The following WWOX variants were observed in gnomAD, a reference collection of about 807,000 sequenced individuals.
The protein encoded by WWOX is WW domain-containing oxidoreductase.
A neutral mutation model predicts 46.2 loss-of-function variants in WWOX; 69 were observed. That is an observed-to-expected ratio of 1.49 (90% CI 1.23 to 1.82). The LOEUF is 1.82. Among genes scored for constraint, WWOX ranks in the 40% most tolerant of loss-of-function variants. The probability of loss-of-function intolerance (pLI) is 0.00; values close to 1 mark genes in which losing one functional copy is unlikely to be tolerated. For missense variants in WWOX, 919 were observed against 542.6 expected, an observed-to-expected ratio of 1.69 and a Z score of -6.89; for synonymous variants, 359 against 202.6, an observed-to-expected ratio of 1.77 and a Z score of -6.56.
At chr16:78,787,063 G>C (rs1416746794) in intron 8 of WWOX, among the ~76,000 whole-genome samples, 1 of 152,116 alleles carries the variant, frequency 6.6e-6, no homozygotes, top group African/African-American at 2.4e-5. Context: ...CAGGAGAATC[G>C]CTTGAACCTG....
chr16:78,229,268 A>C (rs1183228069), intron 5 of WWOX, among the ~76,000 whole-genome samples: 8 of 151,002 alleles, frequency 5.3e-5, no homozygotes, highest in South Asian at 2.1e-4. Context: ...GAAAAAAAAA[A>C]CAGGAATAAA....
At chr16:78,822,676 T>G (rs1372034593) in intron 8 of WWOX, among the ~76,000 whole-genome samples, 1 of 152,206 alleles carries the variant, frequency 6.6e-6, no homozygotes, top group African/African-American at 2.4e-5. Flanking sequence ...TGATGAGAGT[T>G]ACATTGCTGG....
chr16:79,039,840 C>G (rs1202903006), intron 8 of WWOX, among the ~76,000 whole-genome samples: 2 of 152,208 alleles, frequency 1.3e-5, no homozygotes, highest in South Asian at 2.1e-4. Flanking sequence ...CATCATCTGA[C>G]TCATCTCTAC....
chr16:78,664,044 C>T (rs1220191400), intron 8 of WWOX, among the ~76,000 whole-genome samples: 2 of 152,146 alleles, frequency 1.3e-5, no homozygotes, highest in African/African-American at 4.8e-5. Context: ...TAATTTGAAT[C>T]ATGGTTTTAA....
intron 8 of WWOX, among the ~76,000 whole-genome samples, chr16:78,627,934 G>A (rs1270405085): frequency 6.6e-6 from 1 of 152,248 alleles, no homozygotes; most frequent in Non-Finnish European, 1.5e-5. Flanking sequence ...CTTGTTTTCT[G>A]CCTTGAGTGT....
chr16:78,547,149 A>AAAAAAAAC (rs2044057994), intron 8 of WWOX, among the ~76,000 whole-genome samples: 1 of 105,010 alleles, frequency 9.5e-6, no homozygotes, highest in Non-Finnish European at 2.3e-5. Context: ...AAAAAAAAAA[A>AAAAAAAAC]AAAAAAAAAA....
At chr16:79,052,460 C>G (rs1362062704) in intron 8 of WWOX, among the ~76,000 whole-genome samples, 1 of 152,216 alleles carries the variant, frequency 6.6e-6, no homozygotes, top group Non-Finnish European at 1.5e-5. Flanking sequence ...ATAAATCTTT[C>G]TGCTATAAAG....
At chr16:78,875,501 G>T (rs949616152) in intron 8 of WWOX, among the ~76,000 whole-genome samples, 1 of 152,196 alleles carries the variant, frequency 6.6e-6, no homozygotes, top group East Asian at 1.9e-4. Flanking sequence ...GTGGAGGACA[G>T]TGTTTTGATT....
intron 8 of WWOX, among the ~76,000 whole-genome samples, chr16:78,616,810 T>G (rs2046036514): frequency 2.6e-5 from 4 of 152,066 alleles, no homozygotes; most frequent in Admixed American, 2.0e-4. Flanking sequence ...CTAACCCTAC[T>G]CAGGAAGCCT....
At chr16:78,216,556 G>A (rs980555582) in intron 5 of WWOX, among the ~76,000 whole-genome samples, 1 of 151,892 alleles carries the variant, frequency 6.6e-6, no homozygotes, top group Non-Finnish European at 1.5e-5. Context: ...GCTAGAGGCT[G>A]ACACATTCCT....
At chr16:79,008,789 C>G (rs1265723470) in intron 8 of WWOX, among the ~76,000 whole-genome samples, 1 of 152,198 alleles carries the variant, frequency 6.6e-6, no homozygotes, top group Non-Finnish European at 1.5e-5. Context: ...CTGTCCCAGG[C>G]CTTGTCTTCC....
At chr16:78,727,325 G>A (rs2048859970) in intron 8 of WWOX, among the ~76,000 whole-genome samples, 1 of 152,180 alleles carries the variant, frequency 6.6e-6, no homozygotes. Context: ...CTTCAACCCG[G>A]AAGGCGGAGG....
At chr16:79,185,797 A>G (rs2051001493) in intron 8 of WWOX, among the ~76,000 whole-genome samples, 1 of 152,182 alleles carries the variant, frequency 6.6e-6, no homozygotes, top group Non-Finnish European at 1.5e-5. Flanking sequence ...TTCTCAGGGT[A>G]GAATGCATCG....
chr16:78,459,961 C>T (rs2083911004), intron 8 of WWOX, among the ~76,000 whole-genome samples: 1 of 151,784 alleles, frequency 6.6e-6, no homozygotes, highest in African/African-American at 2.4e-5. Context: ...CACGCCAGCA[C>T]ACCCAGCTAA....
intron 8 of WWOX, among the ~76,000 whole-genome samples, chr16:78,681,638 T>G (rs1158006967): frequency 6.6e-6 from 1 of 152,078 alleles, no homozygotes; most frequent in Non-Finnish European, 1.5e-5. Flanking sequence ...GTTTGAGAGT[T>G]CCTGCTCCTG....
chr16:78,130,452 G>C (rs1249243806), intron 4 of WWOX, among the ~76,000 whole-genome samples: 2 of 152,164 alleles, frequency 1.3e-5, no homozygotes, highest in Non-Finnish European at 2.9e-5. Context: ...CTGTGTTAAA[G>C]AAATGTCTGC....
intron 4 of WWOX, among the ~76,000 whole-genome samples, chr16:78,126,278 G>C (rs936836838): frequency 3.9e-5 from 6 of 152,154 alleles, no homozygotes; most frequent in African/African-American, 1.4e-4. Flanking sequence ...TGGAATTGCT[G>C]AATGAAGTGA....
At chr16:78,847,127 C>G (rs971647267) in intron 8 of WWOX, among the ~76,000 whole-genome samples, 1 of 152,164 alleles carries the variant, frequency 6.6e-6, no homozygotes, top group African/African-American at 2.4e-5. Context: ...CTGCCTCAGT[C>G]TTGGAATTAA....
At chr16:78,510,985 G>A (rs765914331) in intron 8 of WWOX, among the ~76,000 whole-genome samples, 1 of 152,202 alleles carries the variant, frequency 6.6e-6, no homozygotes, top group Non-Finnish European at 1.5e-5. Flanking sequence ...AAGATGACAT[G>A]TGCCTACCCC....
Sources: gnomAD v4.1 joint callset for allele counts (sites outside exome capture counted in the v4.1 genomes callset) on GRCh38, gnomAD v4.1.1 for gene constraint, MANE v1.5 for transcripts, NCBI Gene and HGNC (gene_info 2026-07-23, HGNC 2026-07-21) for gene names.